The following CASR variants were observed in gnomAD, a reference collection of about 807,000 sequenced individuals.
The protein encoded by CASR is calcium sensing receptor, also known as extracellular calcium-sensing receptor.
Under a neutral mutation model 69.1 loss-of-function variants are expected in CASR, and 23 were observed. That is an observed-to-expected ratio of 0.33 (90% CI 0.24 to 0.47). CASR has a LOEUF of 0.47. CASR is among the 20% of genes least tolerant of loss of function. The pLI is 1.00. For synonymous variants in CASR, 541 were observed against 544.7 expected, an observed-to-expected ratio of 0.99 and a Z score of 0.10; for missense variants, 924 against 1,356.1, an observed-to-expected ratio of 0.68 and a Z score of 5.00.
chr3:122,239,091 A>G (rs999068020), intron 1 of CASR, among the ~76,000 whole-genome samples: 3 of 152,146 alleles, frequency 2.0e-5, no homozygotes, highest in African/African-American at 7.2e-5. Flanking sequence ...GTTCAGCCAC[A>G]AGGGTGTGGA....
chr3:122,191,699 G>A (rs542962891), intron 1 of CASR, among the ~76,000 whole-genome samples: 3 of 152,094 alleles, frequency 2.0e-5, no homozygotes, highest in African/African-American at 4.8e-5. Context: ...AAGCCAAAAG[G>A]TTCAAATTTG....
intron 1 of CASR, among the ~76,000 whole-genome samples, chr3:122,195,036 CTCTT>C (rs957399579): frequency 6.6e-6 from 1 of 152,032 alleles, no homozygotes; most frequent in Non-Finnish European, 1.5e-5. Flanking sequence ...CCTCCTCCCT[CTCTT>C]TCTTCACTTC....
chr3:122,261,713 C>T lies in CASR; in HGVS notation c.678C>T (p.Phe226=), dbSNP rs2107632086. Reference sequence around the variant, plus strand: ...ATGGGCGGCCGGGGATTGAGAAATTCCGAGAGGAAGCTGAGGAAAGGGATA... The same window carrying T: ...ATGGGCGGCCGGGGATTGAGAAATTTCGAGAGGAAGCTGAGGAAAGGGATA... ...DDYGRPGIEK[F]REEAEERDIC... Residue 226 remains phenylalanine (F), a synonymous_variant, in exon 4 of 7, where the codon TTC becomes TTT. Transcript: ENST00000639785. 1 of 1,614,194 alleles carries T rather than the reference C, an allele frequency of 6.2e-7. No homozygotes were observed. The highest frequency in any genetic ancestry group is 1.1e-5 in the South Asian group (1 of 91,080).
intron 5 of CASR, among the ~76,000 whole-genome samples, chr3:122,281,582 T>G (rs1031298167): frequency 1.1e-4 from 16 of 152,220 alleles, no homozygotes; most frequent in African/African-American, 3.9e-4. Context: ...ATCAATAGTT[T>G]GTGTTGGATT....
intron 1 of CASR, among the ~76,000 whole-genome samples, chr3:122,240,675 C>T (rs1248134963): frequency 6.6e-6 from 1 of 152,154 alleles, no homozygotes; most frequent in Non-Finnish European, 1.5e-5. Context: ...CAGTATGAAA[C>T]AAATGGACCT....
chr3:122,201,130 A>G (rs866822088), intron 1 of CASR, among the ~76,000 whole-genome samples: 7 of 151,832 alleles, frequency 4.6e-5, no homozygotes, highest in Middle Eastern at 3.4e-3. Flanking sequence ...TGGTTTTCCC[A>G]GGCAGAGGAC....
intron 2 of CASR, among the ~76,000 whole-genome samples, chr3:122,255,520 A>T (rs1364786987): frequency 6.6e-6 from 1 of 152,238 alleles, no homozygotes; most frequent in East Asian, 1.9e-4. Context: ...GATATCCTTC[A>T]CATAACCCAT....
intron 1 of CASR, among the ~76,000 whole-genome samples, chr3:122,252,417 G>GGAA (rs2074501979): frequency 2.1e-4 from 6 of 28,682 alleles, no homozygotes; most frequent in East Asian, 1.3e-3. Context: ...GAAAAAGAAA[G>GGAA]AAAGAAAGAA....
chr3:122,186,603 T>TCCTAACA (rs1311117332), intron 1 of CASR, among the ~76,000 whole-genome samples: 2 of 152,076 alleles, frequency 1.3e-5, no homozygotes, highest in African/African-American at 4.8e-5. Context: ...TGCTTTGGGG[T>TCCTAACA]GGCAGCTGTT....
chr3:122,268,928 A>G (rs1057165911), intron 4 of CASR, among the ~76,000 whole-genome samples: 1 of 152,226 alleles, frequency 6.6e-6, no homozygotes, highest in Admixed American at 6.5e-5. Flanking sequence ...AACAAAGTAA[A>G]TTACATGAAG....
intron 1 of CASR, among the ~76,000 whole-genome samples, chr3:122,252,454 G>GAAAGAAAGAAAGAAAGAAAGAAAGAAAA (rs1559954433): frequency 4.4e-5 from 2 of 45,068 alleles, no homozygotes; most frequent in African/African-American, 8.9e-5. Flanking sequence ...AGAAAAAAAA[G>GAAAGAAAGAAAGAAAGAAAGAAAGAAAA]AAAAGAAAGA....
rs1270312314 is a variant in CASR at position 122,291,086 on chromosome 3, T to G, written c.*5895T>G. The G allele has an allele frequency of 1.4e-5, 2 of 145,656 alleles. No homozygotes were observed. Among genetic ancestry groups the G allele is most frequent in the East Asian group, 3.9e-4 (2 of 5,070 alleles). 9.0% of individuals were successfully genotyped at this position (145,656 alleles called of 1,614,324 possible). On this transcript the variant is annotated 3_prime_UTR_variant, in exon 7 of 7. Transcript: ENST00000639785. The stretch of plus-strand genomic sequence containing the variant: ...CTCATTTTTTATGGCTGCATAGTAT[T>G]CCATGGTGTATATGTGCCACATTTT...
At chr3:122,244,871 A>G (rs2074411796) in intron 1 of CASR, among the ~76,000 whole-genome samples, 1 of 152,222 alleles carries the variant, frequency 6.6e-6, no homozygotes, top group African/African-American at 2.4e-5. Context: ...AATATATTTC[A>G]AAGGATATAC....
chr3:122,188,358 GT>G (rs1458635174), intron 1 of CASR, among the ~76,000 whole-genome samples: 2 of 152,192 alleles, frequency 1.3e-5, no homozygotes, highest in African/African-American at 4.8e-5. Flanking sequence ...ATTTGAAGAG[GT>G]GAAGCCTGAG....
chr3:122,212,451 G>T (rs888052608), intron 1 of CASR, among the ~76,000 whole-genome samples: 10 of 152,164 alleles, frequency 6.6e-5, no homozygotes, highest in African/African-American at 2.4e-4. Context: ...GCTAATGCAT[G>T]CTGGGCTTAA....
rs2074949786 is a variant in CASR, at chr3:122,284,915, G to A, written c.2961G>A (p.Met987Ile). The change falls in exon 7 of 7, where the codon ATG (methionine) becomes ATA (isoleucine). Residue 987 changes from methionine to isoleucine, a missense_variant. Physicochemically the swap from Met to Ile is conservative, Grantham distance 10. Transcript: ENST00000639785. ...TTGATGAGCCTCAGAAGAACGCCAT[G>A]GCCCACAGGAATTCTACGCACCAGA... is the stretch of plus-strand genomic sequence containing the variant. ...LSFDEPQKNA[M>I]AHRNSTHQNS... 1 of 1,614,058 alleles carries A rather than the reference G, an allele frequency of 6.2e-7. No individual in the cohort carries two copies. Among genetic ancestry groups the A allele is most frequent in the Admixed American group, 1.7e-5 (1 of 60,010 alleles).
chr3:122,221,489 C>T (rs2074171623), intron 1 of CASR, among the ~76,000 whole-genome samples: 1 of 152,172 alleles, frequency 6.6e-6, no homozygotes, highest in South Asian at 2.1e-4. Context: ...ATTAATTCTT[C>T]ATTCAACAAA....
In CASR at chr3:122,197,813, C is replaced by T. The variant is rs369000477; in HGVS notation, c.-243+14001C>T. On this transcript the variant is annotated intron_variant, in intron 1 of 6. Transcript: ENST00000639785. Reference sequence around the variant, plus strand: ...TGCTGTCATCACTTTGATCATCTGCCTGCCAGCTTTGGCTTCCTTCATTGA... The same window carrying T: ...TGCTGTCATCACTTTGATCATCTGCTTGCCAGCTTTGGCTTCCTTCATTGA... 2.6e-5 allele frequency among the ~76,000 whole-genome samples: 4 copies of T among 152,274 alleles called. No individual in the cohort carries two copies. The East Asian group carries it at 7.7e-4, about 29-fold the overall frequency.
At chr3:122,190,148 A>G (rs1203748056) in intron 1 of CASR, among the ~76,000 whole-genome samples, 4 of 152,148 alleles carry the variant, frequency 2.6e-5, no homozygotes, top group Non-Finnish European at 5.9e-5. Flanking sequence ...CCACAGCTTC[A>G]GGCTTCCAGT....
Sources: allele counts gnomAD v4.1 joint callset (sites outside exome capture counted in the v4.1 genomes callset), GRCh38; gene constraint gnomAD v4.1.1; transcripts MANE v1.5; gene names NCBI Gene and HGNC (gene_info 2026-07-23, HGNC 2026-07-21).